Variants in SORBS2 observed in about 807,000 individuals in gnomAD.
The protein encoded by SORBS2 is sorbin and SH3 domain containing 2, also known as sorbin and SH3 domain-containing protein 2.
Under a neutral mutation model 97.7 loss-of-function variants are expected in SORBS2, and 46 were observed. The observed-to-expected ratio is 0.47, with a 90% CI of 0.37 to 0.60. The LOEUF (loss-of-function observed/expected upper bound fraction) is 0.60. Ranked by LOEUF, SORBS2 falls within the 20% of genes least tolerant of loss-of-function variation. The pLI is 0.00. For synonymous variants in SORBS2, 476 were observed against 473.4 expected, an observed-to-expected ratio of 1.01 and a Z score of -0.07; for missense variants, 1,316 against 1,282.3, an observed-to-expected ratio of 1.03 and a Z score of -0.40.
intron 4 of SORBS2, among the ~76,000 whole-genome samples, chr4:185,639,526 C>G (rs2097092897): frequency 6.6e-6 from 1 of 152,156 alleles, no homozygotes; most frequent in Admixed American, 6.5e-5. Context: ...CCTTACCCAG[C>G]AGTGTCCTTA....
intron 1 of SORBS2, chr4:185,918,111 A>T (rs2099259195): frequency 6.6e-6 from 1 of 152,226 alleles, no homozygotes; most frequent in South Asian, 2.1e-4. Context: ...TTTACTAGGC[A>T]TCAAACAAAC....
chr4:185,915,252 T>A (rs74417078), intron 1 of SORBS2, among the ~76,000 whole-genome samples: 3 of 152,228 alleles, frequency 2.0e-5, no homozygotes, highest in Non-Finnish European at 4.4e-5. Flanking sequence ...CATTTGTTTT[T>A]GAAGCAACTT....
chr4:185,866,945 A>C (rs2099227189), intron 1 of SORBS2, among the ~76,000 whole-genome samples: 1 of 152,198 alleles, frequency 6.6e-6, no homozygotes, highest in African/African-American at 2.4e-5. Flanking sequence ...TCTAATGAGG[A>C]GAGATCTCCT....
chr4:185,651,354 G>A (rs1419796425), intron 2 of SORBS2, among the ~76,000 whole-genome samples: 1 of 152,230 alleles, frequency 6.6e-6, no homozygotes, highest in Non-Finnish European at 1.5e-5. Context: ...ATGAATGGTT[G>A]CATTTTGGAG....
intron 1 of SORBS2, among the ~76,000 whole-genome samples, chr4:185,911,161 T>C (rs912748418): frequency 2.6e-5 from 4 of 152,206 alleles, no homozygotes; most frequent in Non-Finnish European, 4.4e-5. Context: ...ATTTCCTTTA[T>C]TGTCTTATAA....
intron 1 of SORBS2, among the ~76,000 whole-genome samples, chr4:185,926,554 T>G (rs1156627782): frequency 7.2e-6 from 1 of 138,380 alleles, no homozygotes; most frequent in Admixed American, 7.2e-5. Flanking sequence ...GTTGTGGTTT[T>G]GTTTTTTTTT....
chr4:185,822,382 G>A (rs2099197304), intron 1 of SORBS2, among the ~76,000 whole-genome samples: 2 of 152,216 alleles, frequency 1.3e-5, no homozygotes, highest in Admixed American at 6.5e-5. Flanking sequence ...AGGAGGAAAC[G>A]CTGCCCAGCA....
chr4:185,927,092 A>T (rs937267422), intron 1 of SORBS2, among the ~76,000 whole-genome samples: 1 of 150,018 alleles, frequency 6.7e-6, no homozygotes, highest in African/African-American at 2.4e-5. Context: ...TATATATTAC[A>T]CATTGTCATA....
chr4:185,805,109 GT>G (rs2099147533), intron 1 of SORBS2, among the ~76,000 whole-genome samples: 1 of 152,028 alleles, frequency 6.6e-6, no homozygotes, highest in African/African-American at 2.4e-5. Flanking sequence ...TTAGAAATCA[GT>G]TTTTCTTATC....
chr4:185,805,683 T>C lies in SORBS2; in HGVS notation c.-337-30317A>G, dbSNP rs145372474. ...CTGTAGCAGAGCAACCAAGCAGTTA[T>C]ACAATTTTCATCTTAACTACTAGTA... On this transcript the variant is annotated intron_variant, in intron 1 of 20. Transcript: ENST00000284776. 3.6e-3 allele frequency among the ~76,000 whole-genome samples: 551 copies of C among 152,328 alleles called. 6 individuals carry two copies. The highest frequency in any genetic ancestry group is 0.014 in the Middle Eastern group (4 of 294).
At chr4:185,884,416 C>T (rs2099238332) in intron 1 of SORBS2, among the ~76,000 whole-genome samples, 1 of 152,096 alleles carries the variant, frequency 6.6e-6, no homozygotes, top group African/African-American at 2.4e-5. Context: ...TCATGCATTT[C>T]TGTATTTCTT....
At chr4:185,763,228 A>C (rs567153605) in intron 2 of SORBS2, among the ~76,000 whole-genome samples, 42 of 152,268 alleles carry the variant, frequency 2.8e-4, no homozygotes, top group African/African-American at 9.9e-4. Flanking sequence ...AGGTACAAGA[A>C]GATCACTCTG....
At chr4:185,777,136 A>G (rs2099003983) in intron 1 of SORBS2, among the ~76,000 whole-genome samples, 1 of 152,218 alleles carries the variant, frequency 6.6e-6, no homozygotes, top group Non-Finnish European at 1.5e-5. Flanking sequence ...TTATATTAAA[A>G]CTGTATTTCA....
chr4:185,831,583 A>G (rs1026206755), intron 1 of SORBS2, among the ~76,000 whole-genome samples: 5 of 152,218 alleles, frequency 3.3e-5, no homozygotes, highest in African/African-American at 1.2e-4. Context: ...CACATTGAGT[A>G]AGCAGCACCT....
chr4:185,946,020 C>G (rs974468479), intron 1 of SORBS2, among the ~76,000 whole-genome samples: 1 of 152,134 alleles, frequency 6.6e-6, no homozygotes, highest in African/African-American at 2.4e-5. Flanking sequence ...AAAGCTGGAC[C>G]TTCTTCTGAG....
At chr4:185,925,379 A>G (rs1257483063) in intron 1 of SORBS2, among the ~76,000 whole-genome samples, 2 of 151,946 alleles carry the variant, frequency 1.3e-5, no homozygotes, top group East Asian at 1.9e-4. Flanking sequence ...TAATTAGTGC[A>G]AGAAAGGGAC....
At chr4:185,740,680 A>G (rs1222132445) in intron 2 of SORBS2, among the ~76,000 whole-genome samples, 1 of 152,144 alleles carries the variant, frequency 6.6e-6, no homozygotes, top group Non-Finnish European at 1.5e-5. Flanking sequence ...AACTCAGCCC[A>G]ACACTAACTC....
chr4:185,926,853 T>C (rs1219939268), intron 1 of SORBS2, among the ~76,000 whole-genome samples: 3 of 152,056 alleles, frequency 2.0e-5, no homozygotes, highest in African/African-American at 7.2e-5. Flanking sequence ...CATCCATTGC[T>C]GACCCTGACA....
chr4:185,758,943 T>C (rs2153607386), intron 2 of SORBS2, among the ~76,000 whole-genome samples: 1 of 152,362 alleles, frequency 6.6e-6, no homozygotes, highest in East Asian at 1.9e-4. Flanking sequence ...TGAGCCCCTT[T>C]TACTCTCTTA....
Sources: gnomAD v4.1 joint callset for allele counts (sites outside exome capture counted in the v4.1 genomes callset) on GRCh38, gnomAD v4.1.1 for gene constraint, MANE v1.5 for transcripts, NCBI Gene and HGNC (gene_info 2026-07-23, HGNC 2026-07-21) for gene names.